TVP23A: variants seen among roughly 807,000 people sequenced by gnomAD.
TVP23A encodes Golgi apparatus membrane protein TVP23 homolog A.
In TVP23A, 21 loss-of-function variants were observed where a neutral mutation model predicts 31.7. The ratio of observed to expected loss-of-function variants is 0.66; its 90% CI spans 0.47 to 0.95. The LOEUF is 0.95. TVP23A is among the 40% of genes least tolerant of loss of function. The pLI, the probability that TVP23A is intolerant of heterozygous loss-of-function variation, is 0.00. For missense variants in TVP23A, 279 were observed against 255.6 expected (o/e 1.09, Z -0.62); for synonymous variants, 104 against 96.0 (o/e 1.08, Z -0.49).
intron 2 of TVP23A, among the ~76,000 whole-genome samples, chr16:10,808,134 A>G (rs550716401): frequency 5.3e-5 from 8 of 152,380 alleles, no homozygotes; most frequent in African/African-American, 1.9e-4. Flanking sequence ...TTTGTAATGA[A>G]GATGAAATGA....
chr16:10,762,855 G>A (rs2030196669), downstream of TVP23A, among the ~76,000 whole-genome samples: 1 of 152,160 alleles, frequency 6.6e-6, no homozygotes, highest in African/African-American at 2.4e-5. Context: ...TGGAGGCGGG[G>A]AGGGCGGAGG....
chr16:10,769,622 T>G (rs370542709), intron 7 of TVP23A: 158 of 159,466 alleles, frequency 9.9e-4, no homozygotes, highest in South Asian at 8.5e-3. Context: ...CGTTCTAAAA[T>G]CACTGCATAT....
intron 2 of TVP23A, among the ~76,000 whole-genome samples, chr16:10,796,379 G>A (rs933288621): frequency 1.3e-5 from 2 of 152,018 alleles, no homozygotes; most frequent in African/African-American, 2.4e-5. Flanking sequence ...AAGAGAGAGC[G>A]AGAGAGAGGA....
At chr16:10,758,096 GCT>G, downstream of TVP23A, 2 of 1,551,076 alleles carry the variant, frequency 1.3e-6, no homozygotes, top group South Asian at 1.1e-5. Flanking sequence ...TTCCTACCTG[GCT>G]CTGATACTCT....
At chr16:10,814,066 T>G (rs150027274) in intron 2 of TVP23A, among the ~76,000 whole-genome samples, 3 of 151,790 alleles carry the variant, frequency 2.0e-5, no homozygotes, top group African/African-American at 7.2e-5. Context: ...TAAATTCATT[T>G]GTTCTCAGGA....
Position 10,777,538 on chromosome 16 carries a change from T to G in TVP23A, c.90-2442A>C, listed in dbSNP as rs747634343. Among the ~76,000 whole-genome samples, 58 of 152,182 alleles carry G rather than the reference T, an allele frequency of 3.8e-4. No individual in the cohort carries two copies. The highest frequency in any genetic ancestry group is 4.6e-4 in the Non-Finnish European group (31 of 67,994). On this transcript the variant is annotated intron_variant, in intron 2 of 7. Coordinates refer to ENST00000299866, the MANE Select transcript of TVP23A (RefSeq NM_001079512.4). The surrounding 1 kb of genome is among the most constrained non-coding windows in gnomAD (Gnocchi z 4.5). ...CAAACCACAGGTGCCTCTACAACTG[T>G]GGGGCTTCCGACTCCCAGGGGAATG... is the stretch of plus-strand genomic sequence containing the variant.
intron 2 of TVP23A, among the ~76,000 whole-genome samples, chr16:10,780,796 C>A (rs1196140387): frequency 6.6e-6 from 1 of 152,164 alleles, no homozygotes; most frequent in Non-Finnish European, 1.5e-5. Context: ...CCATTACCAT[C>A]TCAGTCCTCC....
At chr16:10,802,298 G>C (rs550302798) in intron 2 of TVP23A, among the ~76,000 whole-genome samples, 1 of 150,854 alleles carries the variant, frequency 6.6e-6, no homozygotes, top group East Asian at 2.0e-4. Flanking sequence ...ATGTGTGTGT[G>C]TGTCAGAGTC....
chr16:10,763,121 G>A (rs896660005), downstream of TVP23A, among the ~76,000 whole-genome samples: 1 of 152,112 alleles, frequency 6.6e-6, no homozygotes, highest in African/African-American at 2.4e-5. Context: ...GTCCCTCAGA[G>A]ACAGTGAAGC....
At chr16:10,773,691 C>G (rs1025198577) in intron 4 of TVP23A, among the ~76,000 whole-genome samples, 1 of 152,142 alleles carries the variant, frequency 6.6e-6, no homozygotes, top group Non-Finnish European at 1.5e-5. Context: ...CTGCCTCAGC[C>G]TCCCGAGTAG....
At position 10,818,595 on chromosome 16, in the gene TVP23A, C is replaced by T. The variant is rs1334904871; in HGVS notation, c.-102G>A. On this transcript the variant is annotated 5_prime_UTR_variant, in exon 1 of 8. Transcript: ENST00000299866. This position sits in a 1 kb window ranked among gnomAD's most constrained non-coding sequence, Gnocchi z 4.7. ...CGGGCGGGCGGATGTAGGCAGCAGA[C>T]GGTGGACGCTGAGGGTCGGGGCCTG... 2.0e-5 allele frequency: 29 copies of T among 1,436,772 alleles called. No individual in the cohort carries two copies. The highest frequency in any genetic ancestry group is 2.6e-5 in the Non-Finnish European group (28 of 1,077,710). 89.0% of individuals were successfully genotyped at this position (1,436,772 alleles called of 1,614,324 possible). A position where few individuals can be genotyped will look rare whatever the true frequency, so the allele number is the denominator to read the frequency against.
At chr16:10,770,380 G>C in intron 6 of TVP23A, 49 bp from the exon 7 acceptor site, 1 of 1,529,430 alleles carries the variant, frequency 6.5e-7, no homozygotes, top group Non-Finnish European at 8.8e-7. Flanking sequence ...CACGCGAGTG[G>C]GGCGATCCTG....
In TVP23A at chr16:10,767,801, C is replaced by A; in HGVS notation, c.*1301G>T. 1 of 684,276 alleles carries A rather than the reference C, an allele frequency of 1.5e-6. No homozygotes were observed. Among genetic ancestry groups the A allele is most frequent in the Non-Finnish European group, 2.5e-6 (1 of 397,674 alleles). 42.4% of individuals were successfully genotyped at this position (684,276 alleles called of 1,614,324 possible). Reference sequence around the variant, plus strand: ...GCTGGAAGGAAGGTCCCTGAGACCCCACTGGTCTTTTCTACTTTGTTCTTC... The same window carrying A: ...GCTGGAAGGAAGGTCCCTGAGACCCAACTGGTCTTTTCTACTTTGTTCTTC... On this transcript the variant is annotated 3_prime_UTR_variant, in exon 8 of 8. Transcript: ENST00000299866. The surrounding 1 kb of genome is among the most constrained non-coding windows in gnomAD (Gnocchi z 4.6).
chr16:10,757,800 A>T (rs371658315), downstream of TVP23A: 1 of 1,555,518 alleles, frequency 6.4e-7, no homozygotes, highest in South Asian at 1.2e-5. The surrounding 1 kb of genome is among the most constrained non-coding windows in gnomAD (Gnocchi z 4.1). Context: ...CCATCCTTTA[A>T]AAAAAAAAGA....
At chr16:10,797,760 A>G (rs907979280) in intron 2 of TVP23A, among the ~76,000 whole-genome samples, 6 of 152,078 alleles carry the variant, frequency 3.9e-5, no homozygotes, top group Non-Finnish European at 8.8e-5. Flanking sequence ...ATATCAAAAT[A>G]TGTATATTTG....
intron 2 of TVP23A, among the ~76,000 whole-genome samples, chr16:10,785,353 G>C (rs983090830): frequency 6.6e-6 from 1 of 151,950 alleles, no homozygotes; most frequent in Non-Finnish European, 1.5e-5. Context: ...GCAGTGAGCA[G>C]AGATCGCACC....
chr16:10,792,710 T>C (rs1411728247), intron 2 of TVP23A, among the ~76,000 whole-genome samples: 2 of 152,224 alleles, frequency 1.3e-5, no homozygotes, highest in Non-Finnish European at 2.9e-5. Context: ...TGATCTGATT[T>C]TTCTTTTCCA....
chr16:10,762,981 G>A (rs1411404360), downstream of TVP23A, among the ~76,000 whole-genome samples: 3 of 152,108 alleles, frequency 2.0e-5, no homozygotes, highest in African/African-American at 4.8e-5. Flanking sequence ...CCTGGGATAG[G>A]GGTTCAGGAT....
intron 2 of TVP23A, among the ~76,000 whole-genome samples, chr16:10,802,099 C>A (rs1164984955): frequency 7.4e-6 from 1 of 134,956 alleles, no homozygotes; most frequent in Non-Finnish European, 1.5e-5. Flanking sequence ...AACAAATACA[C>A]ATACACACAC....
Sources: allele counts gnomAD v4.1 joint callset (sites outside exome capture counted in the v4.1 genomes callset), GRCh38; gene constraint gnomAD v4.1.1; non-coding constraint Gnocchi (gnomAD v3.1); transcripts MANE v1.5; gene names NCBI Gene and HGNC (gene_info 2026-07-23, HGNC 2026-07-21).